COBLL1: variants seen among roughly 807,000 people sequenced by gnomAD.
The protein encoded by COBLL1 is cordon-bleu WH2 repeat protein like 1.
In COBLL1, 50 loss-of-function variants were observed where a neutral mutation model predicts 94.8. That is an observed-to-expected ratio of 0.53 (90% CI 0.42 to 0.67). The LOEUF (loss-of-function observed/expected upper bound fraction) is 0.67, where lower values mean the gene tolerates loss of function less well. Among genes scored for constraint, COBLL1 ranks in the 30% least tolerant of loss-of-function variants. COBLL1 has a pLI of 0.00. For synonymous variants in COBLL1, 448 were observed against 473.8 expected, an observed-to-expected ratio of 0.95 and a Z score of 0.71; for missense variants, 1,362 against 1,348.7, an observed-to-expected ratio of 1.01 and a Z score of -0.15.
At position 164,727,966 on chromosome 2, in the gene COBLL1, T is replaced by C. The variant is rs367897599; in HGVS notation, c.661+3A>G. 6.4e-7 allele frequency: 1 copy of C among 1,569,330 alleles called. No homozygotes were observed. Among genetic ancestry groups the C allele is most frequent in the Non-Finnish European group, 8.8e-7 (1 of 1,140,574 alleles). On this transcript the variant is annotated splice_donor_region_variant and intron_variant, in intron 5 of 13. Coordinates refer to ENST00000652658, the MANE Select transcript of COBLL1 (RefSeq NM_001365672.2). The stretch of plus-strand genomic sequence containing the variant: ...AAATAAATAAAATAAAAGTCTTACT[T>C]ACCTCTGTTGACATCCATCGCATAT...
chr2:164,756,005 C>A (rs936961920), intron 2 of COBLL1, among the ~76,000 whole-genome samples: 5 of 149,178 alleles, frequency 3.4e-5, no homozygotes, highest in Non-Finnish European at 1.5e-5. Flanking sequence ...ATAGTACACA[C>A]ATACAAATGT....
chr2:164,697,615 A>G (rs904030151), intron 11 of COBLL1: 6 of 152,172 alleles, frequency 3.9e-5, no homozygotes, highest in African/African-American at 9.6e-5. Flanking sequence ...AAGAAAGTCA[A>G]TGTAAACATA....
At chr2:164,693,899 A>G (rs1683750228) in intron 12 of COBLL1, among the ~76,000 whole-genome samples, 1 of 152,118 alleles carries the variant, frequency 6.6e-6, no homozygotes, top group Admixed American at 6.6e-5. Flanking sequence ...TTACTATTAC[A>G]TAGTAATGTA....
At chr2:164,777,480 A>G (rs1401152393) in intron 2 of COBLL1, among the ~76,000 whole-genome samples, 3 of 152,138 alleles carry the variant, frequency 2.0e-5, no homozygotes, top group Admixed American at 2.0e-4. Flanking sequence ...AACGTTTTGT[A>G]TATGCACCTA....
At chr2:164,773,222 T>C (rs535733132) in intron 2 of COBLL1, among the ~76,000 whole-genome samples, 1 of 152,186 alleles carries the variant, frequency 6.6e-6, no homozygotes, top group East Asian at 1.9e-4. Context: ...AGGGTTCTCA[T>C]ATTTTAAATG....
At position 164,841,019 on chromosome 2, in the gene COBLL1, G is replaced by C; in HGVS notation, c.41+137C>G. On this transcript the variant is annotated intron_variant, in intron 2 of 13. Coordinates refer to ENST00000652658, the MANE Select transcript of COBLL1 (RefSeq NM_001365672.2). The surrounding 1 kb of genome is among the most constrained non-coding windows in gnomAD (Gnocchi z 5.5). Reference sequence around the variant, plus strand: ...AAGGCCGGGAGGAAGCAGCCTCCCCGGCCGCGTGGAGGACAGTCAGTGAGT... The same window carrying C: ...AAGGCCGGGAGGAAGCAGCCTCCCCCGCCGCGTGGAGGACAGTCAGTGAGT... 2.0e-6 allele frequency: 2 copies of C among 987,960 alleles called. No homozygotes were observed. The highest frequency in any genetic ancestry group is 2.6e-6 in the Non-Finnish European group (2 of 768,000). 61.2% of individuals were successfully genotyped at this position (987,960 alleles called of 1,614,324 possible).
rs1015360744 is a variant in COBLL1 at position 164,684,942 on chromosome 2, G to A, written c.*1004C>T. The A allele has an allele frequency of 6.6e-5, 10 of 152,162 alleles. No individual in the cohort carries two copies. Among genetic ancestry groups the A allele is most frequent in the African/African-American group, 2.4e-4 (10 of 41,438 alleles). 9.4% of individuals were successfully genotyped at this position (152,162 alleles called of 1,614,324 possible). On this transcript the variant is annotated 3_prime_UTR_variant, in exon 14 of 14. Coordinates refer to ENST00000652658, the MANE Select transcript of COBLL1 (RefSeq NM_001365672.2). ...ACAGGCTCTAGACTCCGGAAGAGCT[G>A]TAAGCCGACAAATGGGCATTGTTTT...
At chr2:164,771,648 T>C (rs557043363) in intron 2 of COBLL1, among the ~76,000 whole-genome samples, 9 of 152,132 alleles carry the variant, frequency 5.9e-5, no homozygotes, top group African/African-American at 2.2e-4. Flanking sequence ...TCTGAATAGA[T>C]GGAGACAGGT....
chr2:164,693,827 G>A (rs909840680), intron 12 of COBLL1, among the ~76,000 whole-genome samples: 1 of 152,070 alleles, frequency 6.6e-6, no homozygotes, highest in East Asian at 1.9e-4. Context: ...GCTAAGAGAT[G>A]CTCAGTTATT....
At chr2:164,772,674 G>A (rs528364449) in intron 2 of COBLL1, among the ~76,000 whole-genome samples, 7 of 152,142 alleles carry the variant, frequency 4.6e-5, no homozygotes, top group Admixed American at 2.0e-4. Flanking sequence ...ACCATTTGGA[G>A]TTTCAATTAA....
intron 2 of COBLL1, among the ~76,000 whole-genome samples, chr2:164,794,230 G>A (rs1280440962): frequency 2.6e-5 from 4 of 152,258 alleles, no homozygotes; most frequent in East Asian, 3.9e-4. Flanking sequence ...TCTGTATCCT[G>A]GTGATAGCAG....
At chr2:164,785,124 C>A (rs2105284008) in intron 2 of COBLL1, among the ~76,000 whole-genome samples, 1 of 152,260 alleles carries the variant, frequency 6.6e-6, no homozygotes, top group African/African-American at 2.4e-5. Context: ...GCCTCCAGAA[C>A]TGTGAGAAAG....
Position 164,704,472 on chromosome 2 carries a change from T to G in COBLL1, c.1197A>C (p.Ala399=), listed in dbSNP as rs1684479795. 2 of 1,613,644 alleles carry G rather than the reference T, an allele frequency of 1.2e-6. No individual in the cohort carries two copies. The highest frequency in any genetic ancestry group is 2.7e-5 in the African/African-American group (2 of 75,054). ...DGVPPDSASE[A]NSPEELSSPA... Reference sequence around the variant, plus strand: ...GGCTGGATAGCTCCTCAGGAGAGTTTGCTTCTGAAGCACTGTCTGGAGGAA... The same window carrying G: ...GGCTGGATAGCTCCTCAGGAGAGTTGGCTTCTGAAGCACTGTCTGGAGGAA... The change falls in exon 9 of 14, where the codon GCA becomes GCC. Residue 399 remains alanine (A), a synonymous_variant. Transcript: ENST00000652658.
chr2:164,692,449 C>T, intron 12 of COBLL1, 52 bp from the exon 13 acceptor site: 5 of 1,439,936 alleles, frequency 3.5e-6, no homozygotes, highest in Non-Finnish European at 4.7e-6. Context: ...AAGAATGGGC[C>T]ATTTTTTGCA....
rs768231521 is a variant in COBLL1, at chr2:164,703,178, G to A, written c.1225+1266C>T. 1.2e-5 allele frequency: 19 copies of A among 1,613,588 alleles called. No homozygotes were observed. The highest frequency in any genetic ancestry group is 6.7e-5 in the East Asian group (3 of 44,852). ...AGAGGTTTCCTCCATCAGTTTGGGC[G>A]CAGTGCACTGCTCCTGACTGGAAAG... On this transcript the variant is annotated intron_variant, in intron 9 of 13. Transcript: ENST00000652658.
chr2:164,675,832 A>C (rs982367111), downstream of COBLL1, among the ~76,000 whole-genome samples: 1 of 152,200 alleles, frequency 6.6e-6, no homozygotes, highest in Non-Finnish European at 1.5e-5. Context: ...TTTAAATTGA[A>C]AGACAGATAA....
In COBLL1 at chr2:164,694,941, A is replaced by T. The variant is rs1683836673; in HGVS notation, c.2451T>A (p.Asp817Glu). The change falls in exon 12 of 14, where the codon GAT becomes GAA. Residue 817 changes from aspartate to glutamate, a missense_variant. Coordinates refer to ENST00000652658, the MANE Select transcript of COBLL1 (RefSeq NM_001365672.2). The stretch of plus-strand genomic sequence containing the variant: ...CAGGTTTCAGAGGACTAACCATGGC[A>T]TCATCAGGTGAGCTCACAGAACTGG... ...QVPSSVSSPD[D>E]AMVSPLKPAP... The T allele has an allele frequency of 6.2e-7, 1 of 1,613,854 alleles. No homozygotes were observed. The highest frequency in any genetic ancestry group is 8.5e-7 in the Non-Finnish European group (1 of 1,179,942).
intron 2 of COBLL1, among the ~76,000 whole-genome samples, chr2:164,766,946 C>T (rs1357735574): frequency 6.6e-6 from 1 of 152,152 alleles, no homozygotes; most frequent in Admixed American, 6.5e-5. Context: ...TAACCACAAG[C>T]CTCTACTTTT....
At chr2:164,660,131 A>T (rs1244215513) in intron 2 of COBLL1, among the ~76,000 whole-genome samples, 1 of 152,264 alleles carries the variant, frequency 6.6e-6, no homozygotes, top group Non-Finnish European at 1.5e-5. Context: ...AGCCTTTGAG[A>T]TTACACTTAT....
Sources: gnomAD v4.1 joint callset for allele counts (sites outside exome capture counted in the v4.1 genomes callset) on GRCh38, gnomAD v4.1.1 for gene constraint, Gnocchi (gnomAD v3.1) non-coding constraint, MANE v1.5 for transcripts, NCBI Gene and HGNC (gene_info 2026-07-23, HGNC 2026-07-21) for gene names.